IL7R: variants seen among roughly 807,000 people sequenced by gnomAD.
IL7R encodes interleukin 7 receptor.
IL7R carries 38 observed loss-of-function variants against 47.0 expected under a neutral mutation model. That is an observed-to-expected ratio of 0.81 (90% confidence interval 0.62 to 1.06). The LOEUF (loss-of-function observed/expected upper bound fraction) is 1.06, where lower values mean the gene tolerates loss of function less well. Among genes scored for constraint, IL7R ranks in the 50% least tolerant of loss-of-function variants. The pLI, the probability that IL7R is intolerant of heterozygous loss-of-function variation, is 0.00. For synonymous variants in IL7R, 221 were observed against 199.8 expected (o/e 1.11, Z -0.89); for missense variants, 633 against 534.8 (o/e 1.18, Z -1.81).
chr5:35,867,707 G>A (rs1215350766), intron 3 of IL7R: 7 of 610,372 alleles, frequency 1.1e-5, no homozygotes, highest in Non-Finnish European at 2.0e-5. Flanking sequence ...AAACCTACAT[G>A]AAGTGGCTAA....
In IL7R at chr5:35,856,997, C is replaced by A. The variant is rs1162451134; in HGVS notation, c.20C>A (p.Thr7Asn). The part of the protein sequence containing the change: MTILGT[T>N]FGMVFSLLQV... Reference sequence around the variant, plus strand: ...CTCAGAATGACAATTCTAGGTACAACTTTTGGCATGGTTTTTTCTTTACTT... The same window carrying A: ...CTCAGAATGACAATTCTAGGTACAAATTTTGGCATGGTTTTTTCTTTACTT... Residue 7 changes from threonine (T) to asparagine (N), a missense_variant, in exon 1 of 8, where the codon ACT becomes AAT. Transcript: ENST00000303115. The A allele has an allele frequency of 6.2e-7, 1 of 1,606,064 alleles. No individual in the cohort carries two copies. Among genetic ancestry groups the A allele is most frequent in the Admixed American group, 1.7e-5 (1 of 59,998 alleles).
chr5:35,860,918 G>A lies in IL7R; in HGVS notation c.149G>A (p.Gly50Glu). ...TGCTATAGCCAGTTGGAAGTGAATG[G>A]ATCGCAGCACTCACTGACCTGTGCT... Reference protein sequence around the residue: ...FSCYSQLEVNGSQHSLTCAFE... With the variant: ...FSCYSQLEVNESQHSLTCAFE... Residue 50 changes from glycine (G) to glutamate (E), a missense_variant, in exon 2 of 8, where the codon GGA (glycine) becomes GAA (glutamate). Physicochemically the swap from Gly to Glu is moderately conservative, Grantham distance 98. Coordinates refer to ENST00000303115, the MANE Select transcript of IL7R (RefSeq NM_002185.5). The A allele has an allele frequency of 6.2e-7, 1 of 1,612,738 alleles. No homozygotes were observed. Among genetic ancestry groups the A allele is most frequent in the Non-Finnish European group, 8.5e-7 (1 of 1,178,786 alleles).
chr5:35,870,381 A>G (rs1191766335), intron 3 of IL7R, among the ~76,000 whole-genome samples: 1 of 152,230 alleles, frequency 6.6e-6, no homozygotes, highest in Admixed American at 6.5e-5. Context: ...CCCTGAGGAC[A>G]TTCTGGAAGG....
rs2149905804 is a variant in IL7R at position 35,876,234 on chromosome 5, A to T, written c.1128A>T (p.Ala376=). The T allele has an allele frequency of 3.1e-6, 5 of 1,614,166 alleles. No individual in the cohort carries two copies. The highest frequency in any genetic ancestry group is 4.2e-6 in the Non-Finnish European group (5 of 1,180,022). Reference sequence around the variant, plus strand: ...CATGCCTGGCTGGGAATGTCAGTGCATGTGACGCCCCTATTCTCTCCTCTT... The same window carrying T: ...CATGCCTGGCTGGGAATGTCAGTGCTTGTGACGCCCCTATTCTCTCCTCTT... ...SLTCLAGNVS[A]CDAPILSSSR... The change falls in exon 8 of 8, where the codon GCA becomes GCT. Residue 376 remains alanine, a synonymous_variant. Transcript: ENST00000303115.
intron 2 of IL7R, 33 bp downstream of exon 2, chr5:35,861,023 C>A (rs758839198): frequency 6.2e-7 from 1 of 1,604,008 alleles, no homozygotes; most frequent in South Asian, 1.1e-5. Flanking sequence ...GTTGCTTAGA[C>A]ATCCTCTGTC....
chr5:35,874,564 A>G (rs1760159398), intron 6 of IL7R, 22 bp downstream of exon 6: 1 of 1,504,650 alleles, frequency 6.6e-7, no homozygotes, highest in African/African-American at 1.4e-5. Context: ...CAACTAATAA[A>G]GAGGGTGATT....
In IL7R at chr5:35,873,810, G is replaced by A. The variant is rs186176740; in HGVS notation, c.706+162G>A. Among the ~76,000 whole-genome samples, 5 of 152,256 alleles carry A rather than the reference G, an allele frequency of 3.3e-5. No homozygotes were observed. The South Asian group carries it at 6.2e-4, about 19-fold the overall frequency. On this transcript the variant is annotated intron_variant, in intron 5 of 7. Transcript: ENST00000303115. ...AGAATGACTTGCCTGCTGTCTTTGC[G>A]CCTTTTGTGAAGAACAAGGAAGCAG... is the stretch of plus-strand genomic sequence containing the variant.
At position 35,876,763 on chromosome 5, in the gene IL7R, T is replaced by C; in HGVS notation, c.*277T>C. ...TATTTAAAAAAAAAAGAGGAAAGAA[T>C]GAAAGAGTAAAGGAAATGATTGAGG... On this transcript the variant is annotated 3_prime_UTR_variant, in exon 8 of 8. Transcript: ENST00000303115. The C allele has an allele frequency of 4.3e-6, 2 of 467,056 alleles. No homozygotes were observed. Among genetic ancestry groups the C allele is most frequent in the South Asian group, 5.8e-5 (2 of 34,338 alleles). The allele number at this position is 467,056 out of a possible 1,614,324, so 28.9% of individuals were successfully genotyped here. A position where few individuals can be genotyped will look rare whatever the true frequency, so the allele number is the denominator to read the frequency against.
chr5:35,859,611 T>G (rs1412321446), intron 1 of IL7R, among the ~76,000 whole-genome samples: 2 of 152,146 alleles, frequency 1.3e-5, no homozygotes, highest in Non-Finnish European at 2.9e-5. Flanking sequence ...TAGGGCTGTT[T>G]GAGATTTGTT....
At chr5:35,865,162 A>T (rs1759910577) in intron 2 of IL7R, among the ~76,000 whole-genome samples, 2 of 152,062 alleles carry the variant, frequency 1.3e-5, no homozygotes, top group African/African-American at 4.8e-5. Flanking sequence ...TCCTGTGTCC[A>T]AGTGCTCTTA....
chr5:35,878,370 A>G lies in IL7R; in HGVS notation c.*1884A>G, dbSNP rs1278693857. ...AGGCACAGGGGACCTAAAGACACAT[A>G]AAAGGATGGCATTCTGCCTCATAAA... is the stretch of plus-strand genomic sequence containing the variant. On this transcript the variant is annotated 3_prime_UTR_variant, in exon 8 of 8. Coordinates refer to ENST00000303115, the MANE Select transcript of IL7R (RefSeq NM_002185.5). 1 of 231,442 alleles carries G rather than the reference A, an allele frequency of 4.3e-6. No homozygotes were observed. The highest frequency in any genetic ancestry group is 2.2e-5 in the African/African-American group (1 of 44,856). The allele number at this position is 231,442 out of a possible 1,614,324, so 14.3% of individuals were successfully genotyped here.
chr5:35,867,288 C>T lies in IL7R; in HGVS notation c.222-18C>T. On this transcript the variant is annotated intron_variant, in intron 2 of 7. Transcript: ENST00000303115. ...ACTCCTACCTGAATCAAGACATATC[C>T]CCTTTTTATTCCTACAGTGGGGCCC... is the stretch of plus-strand genomic sequence containing the variant. The T allele has an allele frequency of 1.2e-6, 2 of 1,610,826 alleles. No homozygotes were observed. Among genetic ancestry groups the T allele is most frequent in the Non-Finnish European group, 1.7e-6 (2 of 1,177,140 alleles).
Position 35,877,106 on chromosome 5 carries a change from G to C in IL7R, c.*620G>C, listed in dbSNP as rs1760238284. The C allele has an allele frequency of 4.3e-6, 1 of 234,284 alleles. No individual in the cohort carries two copies. Among genetic ancestry groups the C allele is most frequent in the African/African-American group, 2.2e-5 (1 of 45,328 alleles). 14.5% of individuals were successfully genotyped at this position (234,284 alleles called of 1,614,324 possible). On this transcript the variant is annotated 3_prime_UTR_variant, in exon 8 of 8. Coordinates refer to ENST00000303115, the MANE Select transcript of IL7R (RefSeq NM_002185.5). ...AGCCATGTGCCTTTCTCTTCACTGA[G>C]GACTGCCCCATTCTTGAGTGCCAAA...
chr5:35,860,581 T>G (rs1435279039), intron 1 of IL7R, among the ~76,000 whole-genome samples: 3 of 152,190 alleles, frequency 2.0e-5, no homozygotes, highest in Admixed American at 6.5e-5. Flanking sequence ...TCAGAAATAT[T>G]TGGAGGTTAC....
chr5:35,861,103 A>G, intron 2 of IL7R, 113 bp downstream of exon 2: 1 of 1,158,162 alleles, frequency 8.6e-7, no homozygotes, highest in Non-Finnish European at 1.3e-6. Context: ...AAATGTTAAC[A>G]TCTAAGGAAT....
In IL7R at chr5:35,878,284, A is replaced by G. The variant is rs1285783499; in HGVS notation, c.*1798A>G. The G allele has an allele frequency of 4.3e-6, 1 of 233,142 alleles. No homozygotes were observed. The highest frequency in any genetic ancestry group is 2.2e-5 in the African/African-American group (1 of 45,354). The allele number at this position is 233,142 out of a possible 1,614,324, so 14.4% of individuals were successfully genotyped here. A position where few individuals can be genotyped will look rare whatever the true frequency, so the allele number is the denominator to read the frequency against. On this transcript the variant is annotated 3_prime_UTR_variant, in exon 8 of 8. Transcript: ENST00000303115. ...CAATTTTCAAAGCACTTCCATAAGC[A>G]TTCCTTCCACCTCCTTGATAGGCAT...
intron 1 of IL7R, among the ~76,000 whole-genome samples, chr5:35,858,740 A>G (rs1407684818): frequency 2.0e-5 from 3 of 152,206 alleles, no homozygotes; most frequent in African/African-American, 7.2e-5. Flanking sequence ...AGAAAATATT[A>G]TACTCATAGC....
At chr5:35,874,761 A>G (rs923979192) in intron 6 of IL7R, among the ~76,000 whole-genome samples, 2 of 152,250 alleles carry the variant, frequency 1.3e-5, no homozygotes, top group African/African-American at 2.4e-5. Context: ...CCCCAAAGTA[A>G]GAATTCCGTA....
chr5:35,867,809 G>A (rs761234065), intron 3 of IL7R, among the ~76,000 whole-genome samples: 1 of 151,848 alleles, frequency 6.6e-6, no homozygotes, highest in Non-Finnish European at 1.5e-5. Context: ...CAAATTCCTT[G>A]TGGTCTTCTC....
Sources: allele counts gnomAD v4.1 joint callset (sites outside exome capture counted in the v4.1 genomes callset), GRCh38; gene constraint gnomAD v4.1.1; transcripts MANE v1.5; gene names NCBI Gene and HGNC (gene_info 2026-07-23, HGNC 2026-07-21).